The following PLEKHA3 variants were observed in gnomAD, a reference collection of about 807,000 sequenced individuals.
The protein encoded by PLEKHA3 is pleckstrin homology domain containing A3.
In PLEKHA3, 19 loss-of-function variants were observed where a neutral mutation model predicts 39.2. That is an observed-to-expected ratio of 0.48 (90% CI 0.34 to 0.71). PLEKHA3 has a LOEUF of 0.71. PLEKHA3 is among the 30% of genes least tolerant of loss of function. The pLI is 0.01. For missense variants in PLEKHA3, 253 were observed against 359.5 expected (o/e 0.70, Z 2.40); for synonymous variants, 97 against 118.6 (o/e 0.82, Z 1.18).
intron 3 of PLEKHA3, among the ~76,000 whole-genome samples, chr2:178,493,147 C>G (rs1685380341): frequency 6.6e-6 from 1 of 152,124 alleles, no homozygotes; most frequent in African/African-American, 2.4e-5. Context: ...GCTTATACTT[C>G]TAGTTTAAAA....
rs1685587420 is a variant in PLEKHA3 at position 178,505,321 on chromosome 2, C to T, written c.*1434C>T. 6.6e-6 allele frequency: 1 copy of T among 151,612 alleles called. No homozygotes were observed. The highest frequency in any genetic ancestry group is 6.6e-5 in the Admixed American group (1 of 15,210). The allele number at this position is 151,612 out of a possible 1,614,324, so 9.4% of individuals were successfully genotyped here. On this transcript the variant is annotated 3_prime_UTR_variant, in exon 8 of 8. Transcript: ENST00000234453. ...TTGTTTAAAAAACTGTAATTATAGGCCTTCCATCTTAAGTTTAAGATGGAC... is the reference window on the plus strand; with the variant it reads ...TTGTTTAAAAAACTGTAATTATAGGTCTTCCATCTTAAGTTTAAGATGGAC...
In PLEKHA3 at chr2:178,480,919, C is replaced by G. The variant is rs1685150239; in HGVS notation, c.40+10C>G. 2 of 1,311,910 alleles carry G rather than the reference C, an allele frequency of 1.5e-6. No individual in the cohort carries two copies. The highest frequency in any genetic ancestry group is 5.6e-5 in the East Asian group (2 of 35,610). The allele number at this position is 1,311,910 out of a possible 1,614,324, so 81.3% of individuals were successfully genotyped here. A position where few individuals can be genotyped will look rare whatever the true frequency, so the allele number is the denominator to read the frequency against. On this transcript the variant is annotated intron_variant, in intron 1 of 7. Coordinates refer to ENST00000234453, the MANE Select transcript of PLEKHA3 (RefSeq NM_019091.4). ...ACCAACTATCTCACAGGTATGGGGGCTCGTGTGATGAGGGAAGAGGGGAGA... is the reference window on the plus strand; with the variant it reads ...ACCAACTATCTCACAGGTATGGGGGGTCGTGTGATGAGGGAAGAGGGGAGA...
At chr2:178,492,380 A>C (rs919209675) in intron 3 of PLEKHA3, among the ~76,000 whole-genome samples, 28 of 150,892 alleles carry the variant, frequency 1.9e-4, no homozygotes, top group Non-Finnish European at 3.5e-4. Flanking sequence ...ATACAATAGA[A>C]TATTACTCAG....
In PLEKHA3 at chr2:178,512,833, A is replaced by G. The variant is rs1685708486; in HGVS notation, c.*8946A>G. On this transcript the variant is annotated 3_prime_UTR_variant, in exon 8 of 8. Coordinates refer to ENST00000234453, the MANE Select transcript of PLEKHA3 (RefSeq NM_019091.4). ...ACCCTTCCTCTTACTTTTTGAAAGC[A>G]ATACCTGAGTTATTAAGCAATCATT... 1 of 153,750 alleles carries G rather than the reference A, an allele frequency of 6.5e-6. No individual in the cohort carries two copies. The highest frequency in any genetic ancestry group is 2.1e-4 in the South Asian group (1 of 4,836). 9.5% of individuals were successfully genotyped at this position (153,750 alleles called of 1,614,324 possible). A position where few individuals can be genotyped will look rare whatever the true frequency, so the allele number is the denominator to read the frequency against.
Position 178,490,768 on chromosome 2 carries a change from G to A in PLEKHA3, c.267G>A (p.Gly89=). 6.2e-7 allele frequency: 1 copy of A among 1,613,984 alleles called. No homozygotes were observed. Among genetic ancestry groups the A allele is most frequent in the South Asian group, 1.1e-5 (1 of 91,066 alleles). The change falls in exon 3 of 8, where the codon GGG becomes GGA. Residue 89 remains glycine, a synonymous_variant. Transcript: ENST00000234453. ...AERQRWLVAL[G]SSKACLTDTR... Reference sequence around the variant, plus strand: ...GACAGAGGTGGCTGGTCGCTCTGGGGAGCTCCAAAGCATGTTTGACTGATA... The same window carrying A: ...GACAGAGGTGGCTGGTCGCTCTGGGAAGCTCCAAAGCATGTTTGACTGATA...
rs1023697126 is a variant in PLEKHA3 at position 178,507,732 on chromosome 2, T to G, written c.*3845T>G. ...CCACCAGTAACTTCCTAAGAAAAGG[T>G]GCATAGAAAGTAAAGATTTTAAGGC... On this transcript the variant is annotated 3_prime_UTR_variant, in exon 8 of 8. Coordinates refer to ENST00000234453, the MANE Select transcript of PLEKHA3 (RefSeq NM_019091.4). 23 of 126,306 alleles carry G rather than the reference T, an allele frequency of 1.8e-4. No homozygotes were observed. Among genetic ancestry groups the G allele is most frequent in the African/African-American group, 6.5e-4 (22 of 33,726 alleles). 7.8% of individuals were successfully genotyped at this position (126,306 alleles called of 1,614,324 possible).
At position 178,493,981 on chromosome 2, in the gene PLEKHA3, A is replaced by C. The variant is rs1685400310; in HGVS notation, c.442A>C (p.Ser148Arg). The C allele has an allele frequency of 1.2e-6, 2 of 1,613,614 alleles. No individual in the cohort carries two copies. Among genetic ancestry groups the C allele is most frequent in the Non-Finnish European group, 1.7e-6 (2 of 1,179,870 alleles). The change falls in exon 4 of 8, where the codon AGT (serine) becomes CGT (arginine). Residue 148 changes from serine (S) to arginine (R), a missense_variant. Physicochemically the swap from Ser to Arg is moderately radical, Grantham distance 110 (BLOSUM62 -1). Transcript: ENST00000234453. ...CCATGATGAGAATCATTCATCTCCT[A>C]GTGCAGAGGTAGAGCGAAGAGGATC... ...VHHDENHSSP[S>R]AENMNEASSL...
In PLEKHA3 at chr2:178,507,350, A is replaced by C. The variant is rs1171786245; in HGVS notation, c.*3463A>C. ...TAAATGTAGTTCACTGATGTACCAC[A>C]TGGTTAACTATCATTATTTCCTTTT... is the stretch of plus-strand genomic sequence containing the variant. On this transcript the variant is annotated 3_prime_UTR_variant, in exon 8 of 8. Transcript: ENST00000234453. The C allele has an allele frequency of 6.6e-6, 1 of 152,140 alleles. No homozygotes were observed. The highest frequency in any genetic ancestry group is 2.4e-5 in the African/African-American group (1 of 41,414). 9.4% of individuals were successfully genotyped at this position (152,140 alleles called of 1,614,324 possible).
chr2:178,495,691 CAGT>C (rs758693854), intron 5 of PLEKHA3, 31 bp downstream of exon 5: 1 of 1,573,810 alleles, frequency 6.4e-7, no homozygotes, highest in Non-Finnish European at 8.6e-7. Flanking sequence ...TTTTTTCCCT[CAGT>C]AGTAATGTTG....
intron 3 of PLEKHA3, among the ~76,000 whole-genome samples, chr2:178,493,029 G>C (rs769245805): frequency 6.6e-6 from 1 of 152,202 alleles, no homozygotes; most frequent in Non-Finnish European, 1.5e-5. Context: ...TGTCCATTCT[G>C]GCAAAAGTGG....
chr2:178,500,949 A>T, intron 6 of PLEKHA3, 112 bp from the exon 7 acceptor site: 1 of 724,094 alleles, frequency 1.4e-6, no homozygotes, highest in Admixed American at 2.5e-5. Flanking sequence ...CGGGACGTTG[A>T]GCATAAAAAT....
chr2:178,492,699 C>T (rs1469355051), intron 3 of PLEKHA3, among the ~76,000 whole-genome samples: 1 of 150,658 alleles, frequency 6.6e-6, no homozygotes, highest in East Asian at 1.9e-4. Context: ...ATACCCAGGG[C>T]AGTCATACTT....
At chr2:178,501,014 T>C in intron 6 of PLEKHA3, 47 bp from the exon 7 acceptor site, 1 of 1,203,994 alleles carries the variant, frequency 8.3e-7, no homozygotes, top group South Asian at 1.3e-5. Flanking sequence ...AGTGTGTTTT[T>C]GTTTATGTAA....
rs914968974 is a variant in PLEKHA3 at position 178,507,509 on chromosome 2, A to T, written c.*3622A>T. 2.0e-5 allele frequency: 3 copies of T among 152,126 alleles called. No individual in the cohort carries two copies. Among genetic ancestry groups the T allele is most frequent in the African/African-American group, 7.2e-5 (3 of 41,380 alleles). 9.4% of individuals were successfully genotyped at this position (152,126 alleles called of 1,614,324 possible). ...ATCAGATAATCGTATCAATTCTCTT[A>T]AAAAAGTTTTTAAAAATATTTTGTC... is the stretch of plus-strand genomic sequence containing the variant. On this transcript the variant is annotated 3_prime_UTR_variant, in exon 8 of 8. Coordinates refer to ENST00000234453, the MANE Select transcript of PLEKHA3 (RefSeq NM_019091.4).
chr2:178,496,484 A>G (rs1685448558), intron 5 of PLEKHA3, among the ~76,000 whole-genome samples: 1 of 151,054 alleles, frequency 6.6e-6, no homozygotes, highest in Non-Finnish European at 1.5e-5. Context: ...ACTTCTTCCT[A>G]GGTTCTCTTA....
At chr2:178,495,761 G>C (rs1358700199) in intron 5 of PLEKHA3, 101 bp downstream of exon 5, 34 of 1,293,466 alleles carry the variant, frequency 2.6e-5, no homozygotes, top group Admixed American at 9.3e-5. Flanking sequence ...CAGGCAGTTG[G>C]GGGGCGGGGA....
At position 178,508,936 on chromosome 2, in the gene PLEKHA3, C is replaced by G. The variant is rs1386815760; in HGVS notation, c.*5049C>G. 6.5e-6 allele frequency: 1 copy of G among 153,724 alleles called. No individual in the cohort carries two copies. 9.5% of individuals were successfully genotyped at this position (153,724 alleles called of 1,614,324 possible). On this transcript the variant is annotated 3_prime_UTR_variant, in exon 8 of 8. Transcript: ENST00000234453. Reference sequence around the variant, plus strand: ...CAGACTTCTAGTCCTGATTTCAGCCCTATACCTCACTCTCATCTTCTACAA... The same window carrying G: ...CAGACTTCTAGTCCTGATTTCAGCCGTATACCTCACTCTCATCTTCTACAA...
At position 178,480,678 on chromosome 2, in the gene PLEKHA3, A is replaced by G. The variant is rs112140257; in HGVS notation, c.-192A>G. ...CTGGGCCCGCGCCTCGCGGCCCCCA[A>G]GCTCCACGCTGCGCCCGCTGTCCCG... On this transcript the variant is annotated 5_prime_UTR_variant, in exon 1 of 8. Transcript: ENST00000234453. 30 of 374,326 alleles carry G rather than the reference A, an allele frequency of 8.0e-5. No individual in the cohort carries two copies. The highest frequency in any genetic ancestry group is 5.7e-4 in the African/African-American group (27 of 47,032). 23.2% of individuals were successfully genotyped at this position (374,326 alleles called of 1,614,324 possible).
chr2:178,491,642 AT>A (rs1453970150), intron 3 of PLEKHA3, among the ~76,000 whole-genome samples: 1 of 152,262 alleles, frequency 6.6e-6, no homozygotes, highest in East Asian at 1.9e-4. Context: ...GTTCAACTAT[AT>A]ACAGATATAA....
Sources: gnomAD v4.1 joint callset for allele counts (sites outside exome capture counted in the v4.1 genomes callset) on GRCh38, gnomAD v4.1.1 for gene constraint, MANE v1.5 for transcripts, NCBI Gene and HGNC (gene_info 2026-07-23, HGNC 2026-07-21) for gene names.